Variants in SST observed in about 807,000 individuals in gnomAD.
SST encodes the protein somatostatin.
A neutral mutation model predicts 10.4 loss-of-function variants in SST; 7 were observed. The observed-to-expected ratio is 0.67, with a 90% CI of 0.38 to 1.26. SST has a LOEUF of 1.26. Among genes scored for constraint, SST ranks in the 50% most tolerant of loss-of-function variants. The pLI, the probability that SST is intolerant of heterozygous loss-of-function variation, is 0.02. For synonymous variants in SST, 63 were observed against 63.9 expected (o/e 0.99, Z 0.07); for missense variants, 145 against 140.8 (o/e 1.03, Z -0.15).
In SST at chr3:187,670,394, T is replaced by C; in HGVS notation, c.-103A>G. 1.5e-6 allele frequency: 2 copies of C among 1,379,258 alleles called. No homozygotes were observed. The highest frequency in any genetic ancestry group is 1.9e-6 in the Non-Finnish European group (2 of 1,026,338). The allele number at this position is 1,379,258 out of a possible 1,614,324, so 85.4% of individuals were successfully genotyped here. A position where few individuals can be genotyped will look rare whatever the true frequency, so the allele number is the denominator to read the frequency against. On this transcript the variant is annotated 5_prime_UTR_variant, in exon 1 of 2. Coordinates refer to ENST00000287641, the MANE Select transcript of SST (RefSeq NM_001048.4). ...CGAACCTCGCTCCTAAAGCGGCTTG[T>C]GTGCTCTCAACCGTCTCCCTCTGTT...
In SST at chr3:187,670,142, G is replaced by T. The variant is rs1221777181; in HGVS notation, c.138+12C>A. 1.9e-6 allele frequency: 3 copies of T among 1,580,080 alleles called. No homozygotes were observed. The highest frequency in any genetic ancestry group is 2.6e-6 in the Non-Finnish European group (3 of 1,163,126). The stretch of plus-strand genomic sequence containing the variant: ...CTGGAGAATCCGGGAGACGTCGAGG[G>T]AGTCTCCTTACCTGCTTCCCCGCGG... On this transcript the variant is annotated intron_variant, in intron 1 of 1. Transcript: ENST00000287641.
rs1368255895 is a variant in SST at position 187,670,244 on chromosome 3, G to A, written c.48C>T (p.Val16=). ...LQCALAALSI[V]LALGCVTGAP... is the part of the protein sequence containing the mutation. ...CGCCGGTGACACAGCCCAGGGCCAG[G>A]ACGATGGACAGCGCAGCCAGCGCGC... The change falls in exon 1 of 2, where the codon GTC becomes GTT. Residue 16 remains valine, a synonymous_variant. Transcript: ENST00000287641. 2.5e-6 allele frequency: 4 copies of A among 1,595,492 alleles called. No individual in the cohort carries two copies. In the South Asian group the frequency reaches 4.6e-5, roughly 18 times the overall value.
chr3:187,669,652 A>G (rs1291902559), intron 1 of SST, among the ~76,000 whole-genome samples: 1 of 152,122 alleles, frequency 6.6e-6, no homozygotes, highest in Non-Finnish European at 1.5e-5. Flanking sequence ...ATCACGAGCT[A>G]CAAAGTAGAA....
In SST at chr3:187,670,342, C is replaced by A. The variant is rs1717210786; in HGVS notation, c.-51G>T. ...AGAGTGGCTGGTCAAACTCTAGGCGCGGATCAGCAGGCAGCAGCGATGGCT... is the reference window on the plus strand; with the variant it reads ...AGAGTGGCTGGTCAAACTCTAGGCGAGGATCAGCAGGCAGCAGCGATGGCT... On this transcript the variant is annotated 5_prime_UTR_variant, in exon 1 of 2. Coordinates refer to ENST00000287641, the MANE Select transcript of SST (RefSeq NM_001048.4). 1.3e-6 allele frequency: 2 copies of A among 1,534,848 alleles called. No homozygotes were observed. Among genetic ancestry groups the A allele is most frequent in the Non-Finnish European group, 1.8e-6 (2 of 1,137,938 alleles).
Sources: gnomAD v4.1 joint callset for allele counts (sites outside exome capture counted in the v4.1 genomes callset) on GRCh38, gnomAD v4.1.1 for gene constraint, MANE v1.5 for transcripts, NCBI Gene and HGNC (gene_info 2026-07-23, HGNC 2026-07-21) for gene names.